The following TTC39C variants were observed in gnomAD, a reference collection of about 807,000 sequenced individuals.
TTC39C encodes the protein tetratricopeptide repeat domain 39C.
Under a neutral mutation model 76.3 loss-of-function variants are expected in TTC39C, and 33 were observed. The ratio of observed to expected loss-of-function variants is 0.43; its 90% CI spans 0.33 to 0.58. The LOEUF is 0.58. Ranked by LOEUF, TTC39C falls within the 20% of genes least tolerant of loss-of-function variation. The pLI is 0.04. For missense variants in TTC39C, 595 were observed against 701.4 expected (o/e 0.85, Z 1.71); for synonymous variants, 254 against 260.6 (o/e 0.97, Z 0.24).
intron 4 of TTC39C, among the ~76,000 whole-genome samples, chr18:24,077,558 A>G (rs944214981): frequency 1.5e-4 from 23 of 151,976 alleles, no homozygotes; most frequent in Non-Finnish European, 4.4e-5. Context: ...TTCTTTTCTA[A>G]TTTTATTGTG....
intron 1 of TTC39C, chr18:24,020,426 C>G: frequency 2.1e-6 from 1 of 484,884 alleles, no homozygotes; most frequent in Non-Finnish European, 2.7e-6. Context: ...AACACTTGTA[C>G]AAATACACAA....
At chr18:24,081,512 TA>T (rs2084375093) in intron 5 of TTC39C, among the ~76,000 whole-genome samples, 1 of 152,206 alleles carries the variant, frequency 6.6e-6, no homozygotes, top group Admixed American at 6.5e-5. Flanking sequence ...CTACATCAGT[TA>T]AAAGTGATGT....
intron 1 of TTC39C, among the ~76,000 whole-genome samples, chr18:24,001,911 C>T (rs1047278544): frequency 4.8e-5 from 7 of 144,412 alleles, no homozygotes; most frequent in Non-Finnish European, 8.9e-5. Flanking sequence ...CTGCAAGCTC[C>T]GCCTCCCGGG....
intron 8 of TTC39C, among the ~76,000 whole-genome samples, chr18:24,122,225 G>A (rs116279071): frequency 3.2e-4 from 49 of 152,050 alleles, no homozygotes; most frequent in African/African-American, 1.1e-3. Flanking sequence ...CTCAGGTAAC[G>A]AAGGGGGAAC....
At chr18:24,040,503 T>A (rs2083779639) in intron 1 of TTC39C, among the ~76,000 whole-genome samples, 1 of 152,232 alleles carries the variant, frequency 6.6e-6, no homozygotes, top group Admixed American at 6.5e-5. Context: ...ATACATGTCA[T>A]GTTTTTCCTC....
chr18:24,065,211 A>G (rs2084151475), intron 2 of TTC39C, among the ~76,000 whole-genome samples: 2 of 152,212 alleles, frequency 1.3e-5, no homozygotes, highest in South Asian at 4.1e-4. Context: ...ATGGAAAAGT[A>G]GGTTAGAGCC....
intron 1 of TTC39C, among the ~76,000 whole-genome samples, chr18:24,007,457 C>G (rs929195858): frequency 3.5e-4 from 53 of 152,178 alleles, no homozygotes; most frequent in African/African-American, 1.3e-3. Flanking sequence ...GATCTCGGCT[C>G]GCTGCAACTT....
intron 10 of TTC39C, among the ~76,000 whole-genome samples, chr18:24,127,425 C>T (rs2085065330): frequency 6.6e-6 from 1 of 152,186 alleles, no homozygotes; most frequent in Admixed American, 6.5e-5. Flanking sequence ...AGTGAGAATC[C>T]TATATCCTTG....
upstream of TTC39C, chr18:24,014,727 C>T (rs992935542): frequency 2.6e-6 from 3 of 1,132,388 alleles, no homozygotes; most frequent in Non-Finnish European, 3.3e-6. Flanking sequence ...CTTCCCTCCT[C>T]TTCCCTCCCG....
chr18:24,125,915 G>A (rs1164814340), intron 10 of TTC39C, among the ~76,000 whole-genome samples: 1 of 152,178 alleles, frequency 6.6e-6, no homozygotes, highest in Non-Finnish European at 1.5e-5. Flanking sequence ...TGGCCTGGTG[G>A]GGTGGTTCAC....
At chr18:24,000,516 C>T (rs1370214951) in intron 1 of TTC39C, 1 of 152,196 alleles carries the variant, frequency 6.6e-6, no homozygotes, top group Non-Finnish European at 1.5e-5. Flanking sequence ...GTGTTTAAGC[C>T]ACTCAGTTCA....
At chr18:24,029,924 T>A (rs11875188) in intron 1 of TTC39C, among the ~76,000 whole-genome samples, 6,099 of 152,328 alleles carry the variant, frequency 0.04, 304 homozygotes, top group African/African-American at 0.12. Flanking sequence ...TTGGGCTGGT[T>A]TCATATTTTT....
rs1364048969 is a variant in TTC39C, at chr18:24,067,305, T to A, written c.345+1165T>A. 2.6e-5 allele frequency among the ~76,000 whole-genome samples: 4 copies of A among 152,194 alleles called. No individual in the cohort carries two copies. The East Asian group carries it at 7.7e-4, about 29-fold the overall frequency. ...TACCTCTTGAATTCATCAACTACTC[T>A]CCATCCTCACTGCCATCTCTGTAGG... is the stretch of plus-strand genomic sequence containing the variant. On this transcript the variant is annotated intron_variant, in intron 3 of 13. Coordinates refer to ENST00000317571, the MANE Select transcript of TTC39C (RefSeq NM_001135993.2).
chr18:24,009,517 A>G (rs567206203), intron 1 of TTC39C, among the ~76,000 whole-genome samples: 4 of 152,326 alleles, frequency 2.6e-5, no homozygotes, highest in Non-Finnish European at 5.9e-5. Flanking sequence ...AGAGGGAGGG[A>G]TGGTAGATCC....
At chr18:24,070,981 T>C (rs2084232929) in intron 4 of TTC39C, among the ~76,000 whole-genome samples, 1 of 152,146 alleles carries the variant, frequency 6.6e-6, no homozygotes, top group African/African-American at 2.4e-5. Context: ...TTGGTTGGAG[T>C]GCAGTGGTGC....
At chr18:24,050,436 G>A (rs1178213194) in intron 1 of TTC39C, among the ~76,000 whole-genome samples, 1 of 151,908 alleles carries the variant, frequency 6.6e-6, no homozygotes, top group African/African-American at 2.4e-5. Flanking sequence ...CAGGCATGAT[G>A]ACCCATGCCT....
intron 3 of TTC39C, among the ~76,000 whole-genome samples, chr18:24,068,488 T>C (rs541691557): frequency 7.8e-4 from 119 of 152,348 alleles, no homozygotes; most frequent in Middle Eastern, 3.4e-3. Flanking sequence ...CAAGTTTACT[T>C]TGTACTAAGA....
In TTC39C at chr18:24,065,853, C is replaced by T. The variant is rs8092547; in HGVS notation, c.217-159C>T. On this transcript the variant is annotated intron_variant, in intron 2 of 13. Coordinates refer to ENST00000317571, the MANE Select transcript of TTC39C (RefSeq NM_001135993.2). Reference sequence around the variant, plus strand: ...ATAGTCTTATTTCATGTTGAGATTACAGTTTCTTTGAATGAATAGATTATG... The same window carrying T: ...ATAGTCTTATTTCATGTTGAGATTATAGTTTCTTTGAATGAATAGATTATG... Among the ~76,000 whole-genome samples, 718 of 152,302 alleles carry T rather than the reference C, an allele frequency of 4.7e-3. 3 individuals carry two copies. The highest frequency in any genetic ancestry group is 0.016 in the African/African-American group (670 of 41,570).
At chr18:24,125,601 T>C in intron 10 of TTC39C, 51 bp downstream of exon 10, 3 of 1,606,842 alleles carry the variant, frequency 1.9e-6, no homozygotes, top group Non-Finnish European at 2.6e-6. Flanking sequence ...ACTGGCTTCT[T>C]CTGTCAGTGC....
Sources: allele counts gnomAD v4.1 joint callset (sites outside exome capture counted in the v4.1 genomes callset), GRCh38; gene constraint gnomAD v4.1.1; transcripts MANE v1.5; gene names NCBI Gene and HGNC (gene_info 2026-07-23, HGNC 2026-07-21).